The following RIF1 variants were observed in gnomAD, a reference collection of about 807,000 sequenced individuals.
The protein encoded by RIF1 is telomere-associated protein RIF1.
In RIF1, 45 loss-of-function variants were observed where a neutral mutation model predicts 247.1. That is an observed-to-expected ratio of 0.18 (90% CI 0.14 to 0.23). The LOEUF is 0.23. RIF1 is among the 10% of genes least tolerant of loss of function. RIF1 has a pLI of 1.00. For missense variants in RIF1, 2,967 were observed against 2,862.5 expected, an observed-to-expected ratio of 1.04 and a Z score of -0.83; for synonymous variants, 1,087 against 978.8, an observed-to-expected ratio of 1.11 and a Z score of -2.06.
chr2:151,512,756 G>T, downstream of RIF1: 1 of 1,613,654 alleles, frequency 6.2e-7, no homozygotes, highest in South Asian at 1.1e-5. Flanking sequence ...TTCTTGACTT[G>T]TTGGGCATGA....
intron 12 of RIF1, chr2:151,505,841 T>A (rs1188729945): frequency 1.9e-6 from 1 of 539,276 alleles, no homozygotes; most frequent in Non-Finnish European, 3.3e-6. Context: ...TATACTCCAA[T>A]GTCTTTATGC....
chr2:151,467,375 CTCTG>C (rs1307030071), intron 30 of RIF1, among the ~76,000 whole-genome samples: 5 of 152,184 alleles, frequency 3.3e-5, no homozygotes, highest in East Asian at 1.9e-4. Context: ...TGGAGTCTTA[CTCTG>C]TCTGTAAGAC....
intron 7 of RIF1, among the ~76,000 whole-genome samples, chr2:151,421,466 GTGAA>G (rs940583467): frequency 3.3e-5 from 5 of 152,204 alleles, no homozygotes; most frequent in Admixed American, 2.6e-4. Context: ...CAGTAGTGGA[GTGAA>G]TGAGAGTGAG....
rs1252614259 is a variant in RIF1 at position 151,479,655 on chromosome 2, C to G, written c.*4584C>G. The stretch of plus-strand genomic sequence containing the variant: ...TGTTATATTATGTGGTTGAAAATTC[C>G]TGTTTCATCGTAAAGTGAAATTTGA... On this transcript the variant is annotated 3_prime_UTR_variant, in exon 36 of 36. Transcript: ENST00000444746. The G allele has an allele frequency of 6.6e-6, 1 of 152,076 alleles. No individual in the cohort carries two copies. Among genetic ancestry groups the G allele is most frequent in the East Asian group, 1.9e-4 (1 of 5,198 alleles). 9.4% of individuals were successfully genotyped at this position (152,076 alleles called of 1,614,324 possible).
Position 151,491,589 on chromosome 2 carries a change from G to A in RIF1, c.*416-3640G>A, listed in dbSNP as rs2056687818. 2.0e-5 allele frequency: 21 copies of A among 1,056,540 alleles called. No homozygotes were observed. The South Asian group carries it at 2.3e-4, about 12-fold the overall frequency. 65.4% of individuals were successfully genotyped at this position (1,056,540 alleles called of 1,614,324 possible). ...GGCAGCTCAGAAAATGGAAAACTCT[G>A]GAGGGAAGGAACTTCAGAGCCCAAA... is the stretch of plus-strand genomic sequence containing the variant. On this transcript the variant is annotated intron_variant and NMD_transcript_variant, in intron 9 of 13. Coordinates refer to the RIF1 transcript ENST00000454583.
chr2:151,477,774 A>G lies in RIF1; in HGVS notation c.*2703A>G, dbSNP rs983148213. 7.3e-5 allele frequency: 11 copies of G among 150,476 alleles called. No homozygotes were observed. The highest frequency in any genetic ancestry group is 2.7e-4 in the African/African-American group (11 of 40,632). The allele number at this position is 150,476 out of a possible 1,614,324, so 9.3% of individuals were successfully genotyped here. ...GCCCAGGCTGGAGTGCAGTGGTACG[A>G]TCTCAGCTCACTGCAACCTCCACCT... On this transcript the variant is annotated 3_prime_UTR_variant, in exon 36 of 36. Coordinates refer to ENST00000444746, the MANE Select transcript of RIF1 (RefSeq NM_018151.5).
the RIF1 span, among the ~76,000 whole-genome samples, chr2:151,519,472 G>C: frequency 6.6e-6 from 1 of 152,138 alleles, no homozygotes; most frequent in Non-Finnish European, 1.5e-5. Context: ...AGGAGCTGAC[G>C]GGAGGAGGGA....
chr2:151,445,295 T>C (rs145157795), intron 18 of RIF1, 43 bp from the exon 19 acceptor site: 33 of 1,090,838 alleles, frequency 3.0e-5, no homozygotes, highest in Non-Finnish European at 4.4e-5. Flanking sequence ...AGGATTAGAA[T>C]AAGATGGTAA....
intron 14 of RIF1, among the ~76,000 whole-genome samples, chr2:151,439,478 A>G (rs1691847131): frequency 6.6e-6 from 1 of 151,986 alleles, no homozygotes; most frequent in Admixed American, 6.6e-5. Flanking sequence ...CCGTCTGACC[A>G]ACATGGAGAA....
At chr2:151,534,353 T>C in the RIF1 span, 2 of 1,570,840 alleles carry the variant, frequency 1.3e-6, no homozygotes, top group Non-Finnish European at 8.7e-7. Context: ...ATAGCAAGAG[T>C]ACAACTTCAA....
chr2:151,533,293 GATC>G, the RIF1 span: 1 of 595,308 alleles, frequency 1.7e-6, no homozygotes. Context: ...CACATTCAGA[GATC>G]ATTTACAAGG....
chr2:151,468,389 A>G (rs894388188), intron 31 of RIF1, 85 bp from the exon 32 acceptor site: 5 of 1,127,890 alleles, frequency 4.4e-6, no homozygotes, highest in Non-Finnish European at 6.6e-6. Flanking sequence ...TTTTAAAGAA[A>G]TGATTGCAGT....
intron 20 of RIF1, among the ~76,000 whole-genome samples, chr2:151,447,327 G>A (rs1272472977): frequency 6.6e-6 from 1 of 152,198 alleles, no homozygotes; most frequent in African/African-American, 2.4e-5. Context: ...TTCTGTTTAC[G>A]CATGTCATTT....
the RIF1 span, chr2:151,531,182 T>A: frequency 1.1e-6 from 1 of 895,534 alleles, no homozygotes; most frequent in Non-Finnish European, 1.8e-6. Context: ...AGTTTTTTCC[T>A]GAGTGAATAT....
the RIF1 span, chr2:151,526,948 G>A: frequency 3.7e-6 from 6 of 1,601,622 alleles, no homozygotes; most frequent in African/African-American, 1.3e-5. Context: ...TCCTGAGGGC[G>A]AGCACCGTGT....
chr2:151,435,676 G>T, intron 11 of RIF1, 96 bp downstream of exon 11: 1 of 636,838 alleles, frequency 1.6e-6, no homozygotes. Flanking sequence ...GCTTTGAGAG[G>T]TTTTGCTCAG....
intron 10 of RIF1, among the ~76,000 whole-genome samples, chr2:151,433,842 A>G (rs1275110882): frequency 6.6e-6 from 1 of 152,052 alleles, no homozygotes; most frequent in East Asian, 1.9e-4. Flanking sequence ...CCCCTAGAGC[A>G]TTTGGAATAT....
Position 151,437,346 on chromosome 2 carries a change from C to G in RIF1, c.1478C>G (p.Ala493Gly). 6.2e-7 allele frequency: 1 copy of G among 1,604,068 alleles called. No homozygotes were observed. The change falls in exon 13 of 36, where the codon GCC becomes GGC. Residue 493 changes from alanine to glycine, a missense_variant. By Grantham distance (60) the Ala-to-Gly change is moderately conservative. This residue lies in a region of RIF1 where 369 missense variants were observed against 322.0 expected (regional missense o/e 1.15). Coordinates refer to ENST00000444746, the MANE Select transcript of RIF1 (RefSeq NM_018151.5). ...HDSFVAVGKD[A>G]PDVVVSAIWK... ...AGCTTTGTTGCAGTTGGAAAAGATG[C>G]CCCCGGTAAGAGAATTTGATTTATT...
intron 8 of RIF1, among the ~76,000 whole-genome samples, chr2:151,427,441 C>T (rs996891118): frequency 6.6e-6 from 1 of 150,774 alleles, no homozygotes; most frequent in Admixed American, 6.6e-5. Flanking sequence ...GAACTCCTGA[C>T]CTTAGGTGAT....
Sources: gnomAD v4.1 joint callset for allele counts (sites outside exome capture counted in the v4.1 genomes callset) on GRCh38, gnomAD v4.1.1 for gene constraint, gnomAD v4.1.1 regional missense constraint, MANE v1.5 for transcripts, NCBI Gene and HGNC (gene_info 2026-07-23, HGNC 2026-07-21) for gene names.